Variants in LINGO2 observed in about 807,000 individuals in gnomAD.
LINGO2 encodes the protein leucine rich repeat and Ig domain containing 2, also known as leucine-rich repeat and immunoglobulin-like domain-containing nogo receptor-interacting protein 2.
LINGO2 carries 14 observed loss-of-function variants against 30.6 expected under a neutral mutation model. The ratio of observed to expected loss-of-function variants is 0.46; its 90% CI spans 0.30 to 0.72. The LOEUF (loss-of-function observed/expected upper bound fraction) is 0.72, where lower values mean the gene tolerates loss of function less well. Among genes scored for constraint, LINGO2 ranks in the 30% least tolerant of loss-of-function variants. LINGO2 has a pLI of 0.07. For synonymous variants in LINGO2, 317 were observed against 288.5 expected, an observed-to-expected ratio of 1.10 and a Z score of -1.00; for missense variants, 729 against 751.7, an observed-to-expected ratio of 0.97 and a Z score of 0.35.
At chr9:28,055,967 T>C (rs1198030039) in intron 4 of LINGO2, among the ~76,000 whole-genome samples, 2 of 152,180 alleles carry the variant, frequency 1.3e-5, no homozygotes, top group Admixed American at 6.5e-5. Context: ...CAACAGTTAC[T>C]ATTGTTACTA....
At chr9:28,684,382 G>C in the LINGO2 span, among the ~76,000 whole-genome samples, 1 of 150,248 alleles carries the variant, frequency 6.7e-6, no homozygotes, top group Admixed American at 6.6e-5. Flanking sequence ...TAGAGATGGG[G>C]GTTTCACCGT....
chr9:28,872,270 G>A, the LINGO2 span, among the ~76,000 whole-genome samples: 10 of 151,926 alleles, frequency 6.6e-5, no homozygotes, highest in African/African-American at 2.4e-4. Flanking sequence ...TGTCATTTAA[G>A]TCACCTCCTA....
intron 3 of LINGO2, among the ~76,000 whole-genome samples, chr9:28,313,587 A>C (rs1587448751): frequency 6.6e-6 from 1 of 152,264 alleles, no homozygotes; most frequent in East Asian, 1.9e-4. Flanking sequence ...CCTGTCTGTA[A>C]GACAGCCCAT....
chr9:29,115,571 T>C, the LINGO2 span, among the ~76,000 whole-genome samples: 15 of 147,638 alleles, frequency 1.0e-4, no homozygotes, highest in Non-Finnish European at 1.6e-4. Flanking sequence ...AGATTTCACT[T>C]GGCTTTATTG....
the LINGO2 span, among the ~76,000 whole-genome samples, chr9:28,706,116 A>T: frequency 2.0e-5 from 3 of 152,128 alleles, no homozygotes; most frequent in African/African-American, 7.2e-5. Flanking sequence ...GCTAGGAAGC[A>T]TTCATATATT....
chr9:28,261,353 G>A (rs1388390998), intron 4 of LINGO2, among the ~76,000 whole-genome samples: 1 of 151,874 alleles, frequency 6.6e-6, no homozygotes, highest in Non-Finnish European at 1.5e-5. Context: ...GCCAGGAATA[G>A]TAACATCACA....
intron 4 of LINGO2, among the ~76,000 whole-genome samples, chr9:28,168,949 T>G (rs75645083): frequency 6.6e-6 from 1 of 152,332 alleles, no homozygotes; most frequent in African/African-American, 2.4e-5. Flanking sequence ...TAACAAGCAC[T>G]TACTGAACAG....
At chr9:28,698,331 T>A in the LINGO2 span, among the ~76,000 whole-genome samples, 1 of 152,078 alleles carries the variant, frequency 6.6e-6, no homozygotes, top group Non-Finnish European at 1.5e-5. Flanking sequence ...TCCTTCTAAG[T>A]TAGAATCCTG....
intron 1 of LINGO2, among the ~76,000 whole-genome samples, chr9:28,662,623 A>G (rs1274978555): frequency 6.6e-6 from 1 of 152,098 alleles, no homozygotes; most frequent in East Asian, 1.9e-4. Flanking sequence ...CTATTGTGTG[A>G]TCTTAGGCAA....
At chr9:27,972,174 A>G (rs1208200691) in intron 5 of LINGO2, among the ~76,000 whole-genome samples, 1 of 152,200 alleles carries the variant, frequency 6.6e-6, no homozygotes, top group Non-Finnish European at 1.5e-5. Flanking sequence ...TGAGGAATCA[A>G]ACTTCTCTGT....
the LINGO2 span, among the ~76,000 whole-genome samples, chr9:28,953,127 A>G: frequency 6.6e-6 from 1 of 152,152 alleles, no homozygotes; most frequent in East Asian, 1.9e-4. Context: ...ATTGGGGTAC[A>G]TATGTTTGGT....
chr9:28,657,427 C>G (rs898766740), intron 1 of LINGO2, among the ~76,000 whole-genome samples: 1 of 151,720 alleles, frequency 6.6e-6, no homozygotes, highest in Non-Finnish European at 1.5e-5. Flanking sequence ...CATTTAATAT[C>G]TTTACTAATT....
At chr9:28,364,451 T>C (rs1820580741) in intron 3 of LINGO2, among the ~76,000 whole-genome samples, 1 of 152,282 alleles carries the variant, frequency 6.6e-6, no homozygotes, top group African/African-American at 2.4e-5. Context: ...CTTTTGGCGG[T>C]CTTCAGAAAA....
At chr9:28,060,143 A>C (rs1288854337) in intron 4 of LINGO2, among the ~76,000 whole-genome samples, 1 of 152,172 alleles carries the variant, frequency 6.6e-6, no homozygotes, top group Non-Finnish European at 1.5e-5. Context: ...GAAAACTCAA[A>C]ACATGACCAC....
At chr9:28,043,206 G>A (rs1275772088) in intron 4 of LINGO2, among the ~76,000 whole-genome samples, 1 of 152,140 alleles carries the variant, frequency 6.6e-6, no homozygotes, top group Non-Finnish European at 1.5e-5. Context: ...TTTCCGTCCT[G>A]CCTGGCAGGG....
At chr9:28,677,276 G>A in the LINGO2 span, among the ~76,000 whole-genome samples, 2 of 152,012 alleles carry the variant, frequency 1.3e-5, no homozygotes, top group Admixed American at 6.6e-5. Flanking sequence ...AATGGCATTC[G>A]GATAACAATT....
chr9:28,148,684 C>T lies in LINGO2; in HGVS notation c.-86-136279G>A. The T allele has an allele frequency of 4.6e-6, 7 of 1,533,764 alleles. No homozygotes were observed. Among genetic ancestry groups the T allele is most frequent in the Non-Finnish European group, 5.2e-6 (6 of 1,146,144 alleles). ...CCCAGGTGCCTGCAGTGAGTTTCTACTCCAACGGCCATGGAGTCGCCAGTT... is the reference window on the plus strand; with the variant it reads ...CCCAGGTGCCTGCAGTGAGTTTCTATTCCAACGGCCATGGAGTCGCCAGTT... On this transcript the variant is annotated intron_variant, in intron 4 of 5. Transcript: ENST00000379992. This position sits in a 1 kb window ranked among gnomAD's most constrained non-coding sequence, Gnocchi z 5.1.
At chr9:28,097,925 T>C (rs1226625979) in intron 4 of LINGO2, among the ~76,000 whole-genome samples, 2 of 152,208 alleles carry the variant, frequency 1.3e-5, no homozygotes, top group East Asian at 1.9e-4. Context: ...GCTGGATACC[T>C]AGTTTAAGGA....
At chr9:29,070,264 C>T in the LINGO2 span, among the ~76,000 whole-genome samples, 1 of 152,122 alleles carries the variant, frequency 6.6e-6, no homozygotes, top group African/African-American at 2.4e-5. Flanking sequence ...AACCATCACT[C>T]TACTGCCCAG....
Sources: allele counts gnomAD v4.1 joint callset (sites outside exome capture counted in the v4.1 genomes callset), GRCh38; gene constraint gnomAD v4.1.1; non-coding constraint Gnocchi (gnomAD v3.1); transcripts MANE v1.5; gene names NCBI Gene and HGNC (gene_info 2026-07-23, HGNC 2026-07-21).